The following HS3ST3A1 variants were observed in gnomAD, a reference collection of about 807,000 sequenced individuals.
The protein encoded by HS3ST3A1 is heparan sulfate glucosamine 3-O-sulfotransferase 3A1.
A neutral mutation model predicts 25.7 loss-of-function variants in HS3ST3A1; 19 were observed. That is an observed-to-expected ratio of 0.74 (90% CI 0.52 to 1.08). The LOEUF is 1.08. Among genes scored for constraint, HS3ST3A1 ranks in the 50% least tolerant of loss-of-function variants. The pLI, the probability that HS3ST3A1 is intolerant of heterozygous loss-of-function variation, is 0.00. For missense variants in HS3ST3A1, 459 were observed against 594.3 expected (o/e 0.77, Z 2.37); for synonymous variants, 226 against 278.6 (o/e 0.81, Z 1.88).
intron 1 of HS3ST3A1, among the ~76,000 whole-genome samples, chr17:13,532,274 C>T (rs1338076115): frequency 1.3e-5 from 2 of 152,162 alleles, no homozygotes; most frequent in Admixed American, 1.3e-4. Context: ...TTTACCATTG[C>T]ATTTGCAAAA....
intron 1 of HS3ST3A1, among the ~76,000 whole-genome samples, chr17:13,526,044 G>C (rs1188996698): frequency 6.6e-6 from 1 of 151,988 alleles, no homozygotes; most frequent in Non-Finnish European, 1.5e-5. Context: ...CAGTCCTCCA[G>C]GCACCAACCT....
intron 1 of HS3ST3A1, among the ~76,000 whole-genome samples, chr17:13,565,657 T>C (rs1907658675): frequency 6.6e-6 from 1 of 152,268 alleles, no homozygotes; most frequent in Non-Finnish European, 1.5e-5. Context: ...ATATTACTTT[T>C]ATTAATTTTA....
intron 1 of HS3ST3A1, among the ~76,000 whole-genome samples, chr17:13,531,970 GAA>G (rs1906619216): frequency 6.6e-6 from 1 of 152,146 alleles, no homozygotes; most frequent in Non-Finnish European, 1.5e-5. Flanking sequence ...GAGGTGGTAG[GAA>G]AGAGAGAGGG....
chr17:13,595,106 G>A (rs1908541194), intron 1 of HS3ST3A1, among the ~76,000 whole-genome samples: 1 of 151,806 alleles, frequency 6.6e-6, no homozygotes, highest in Non-Finnish European at 1.5e-5. Context: ...CACATTTATT[G>A]TCATCAGACA....
chr17:13,549,074 C>A (rs1376964826), intron 1 of HS3ST3A1, among the ~76,000 whole-genome samples: 2 of 152,224 alleles, frequency 1.3e-5, no homozygotes, highest in Admixed American at 1.3e-4. Context: ...TGCTGTTGCT[C>A]ACGCTTTGGG....
intron 1 of HS3ST3A1, among the ~76,000 whole-genome samples, chr17:13,557,272 T>A (rs972276201): frequency 4.6e-5 from 7 of 152,198 alleles, no homozygotes; most frequent in African/African-American, 1.7e-4. Context: ...CTCCTGTTTA[T>A]CTGAGGCGAA....
intron 1 of HS3ST3A1, among the ~76,000 whole-genome samples, chr17:13,518,243 C>A (rs1598411688): frequency 6.6e-6 from 1 of 152,148 alleles, no homozygotes; most frequent in African/African-American, 2.4e-5. Context: ...CAGGAAATAA[C>A]TTAATCATTA....
intron 1 of HS3ST3A1, among the ~76,000 whole-genome samples, chr17:13,551,895 G>A (rs562144435): frequency 1.3e-5 from 2 of 151,970 alleles, no homozygotes; most frequent in Non-Finnish European, 2.9e-5. Context: ...ACTAGCTAAC[G>A]CTTCAGATCT....
intron 1 of HS3ST3A1, among the ~76,000 whole-genome samples, chr17:13,586,680 A>G (rs1908276119): frequency 6.6e-6 from 1 of 151,384 alleles, no homozygotes; most frequent in African/African-American, 2.4e-5. Context: ...ATCCTGGCTA[A>G]CACGGTGAAA....
intron 1 of HS3ST3A1, among the ~76,000 whole-genome samples, chr17:13,497,023 A>G (rs1905306587): frequency 6.6e-6 from 1 of 152,164 alleles, no homozygotes; most frequent in Non-Finnish European, 1.5e-5. Flanking sequence ...TACCCATTGC[A>G]TACAGTTTTG....
At chr17:13,548,791 CACACCAATCAGCACTCTGTAAAAAAT>C in intron 1 of HS3ST3A1, among the ~76,000 whole-genome samples, 1 of 152,146 alleles carries the variant, frequency 6.6e-6, no homozygotes, top group Non-Finnish European at 1.5e-5. Flanking sequence ...GGTTTATAAA[CACACCAATCAGCACTCTGTAAAAAAT>C]GCACCAATCA....
intron 1 of HS3ST3A1, among the ~76,000 whole-genome samples, chr17:13,501,659 GA>G (rs1286096944): frequency 6.6e-6 from 1 of 152,116 alleles, no homozygotes; most frequent in East Asian, 2.0e-4. Flanking sequence ...ACCTTACCAG[GA>G]AAATCAAGCC....
chr17:13,556,952 C>T (rs1380238178), intron 1 of HS3ST3A1, among the ~76,000 whole-genome samples: 1 of 151,984 alleles, frequency 6.6e-6, no homozygotes, highest in East Asian at 1.9e-4. Flanking sequence ...GCAGAATATC[C>T]TCAGGACAGC....
intron 1 of HS3ST3A1, among the ~76,000 whole-genome samples, chr17:13,585,840 GTTTTTTTTTTTT>G (rs1207776880): frequency 8.1e-5 from 5 of 62,024 alleles, no homozygotes; most frequent in South Asian, 1.5e-3. Context: ...CTCCTTCTGC[GTTTTTTTTTTTT>G]TTTTTTTTTT....
intron 1 of HS3ST3A1, among the ~76,000 whole-genome samples, chr17:13,564,786 C>A (rs916467845): frequency 6.9e-6 from 1 of 145,266 alleles, no homozygotes; most frequent in African/African-American, 2.6e-5. Flanking sequence ...TGCAGTGGTG[C>A]GATCGCAGCT....
intron 1 of HS3ST3A1, among the ~76,000 whole-genome samples, chr17:13,550,773 A>G (rs1342872850): frequency 6.6e-6 from 1 of 152,208 alleles, no homozygotes; most frequent in Non-Finnish European, 1.5e-5. Flanking sequence ...GATATTTTTT[A>G]AAAATTCAAA....
chr17:13,534,428 G>C (rs1363496852), intron 1 of HS3ST3A1, among the ~76,000 whole-genome samples: 1 of 151,610 alleles, frequency 6.6e-6, no homozygotes, highest in African/African-American at 2.4e-5. Flanking sequence ...TGCAGTCCAG[G>C]TGTGGTGGCT....
At chr17:13,526,750 C>G (rs1406033551) in intron 1 of HS3ST3A1, among the ~76,000 whole-genome samples, 1 of 151,762 alleles carries the variant, frequency 6.6e-6, no homozygotes, top group Non-Finnish European at 1.5e-5. Flanking sequence ...CAGGTTCAAG[C>G]GATTCTCCTG....
rs769374069 is a variant in HS3ST3A1, at chr17:13,601,137, G to A, written c.-8C>T. ...CGGGCCCGGAGGGGCCATCCTAGCC[G>A]GAGGCGACGTCGGGCAACGCGCCGG... is the stretch of plus-strand genomic sequence containing the variant. On this transcript the variant is annotated 5_prime_UTR_variant, in exon 1 of 2. Transcript: ENST00000284110. The A allele has an allele frequency of 2.6e-6, 4 of 1,518,070 alleles. No individual in the cohort carries two copies. Among genetic ancestry groups the A allele is most frequent in the African/African-American group, 1.4e-5 (1 of 70,500 alleles). 94.0% of individuals were successfully genotyped at this position (1,518,070 alleles called of 1,614,324 possible).
Sources: allele counts gnomAD v4.1 joint callset (sites outside exome capture counted in the v4.1 genomes callset), GRCh38; gene constraint gnomAD v4.1.1; transcripts MANE v1.5; gene names NCBI Gene and HGNC (gene_info 2026-07-23, HGNC 2026-07-21).